NRG3: variants seen among roughly 807,000 people sequenced by gnomAD.
NRG3 encodes pro-neuregulin-3, membrane-bound isoform.
In NRG3, 31 loss-of-function variants were observed where a neutral mutation model predicts 66.9. That is an observed-to-expected ratio of 0.46 (90% CI 0.35 to 0.63). The LOEUF (loss-of-function observed/expected upper bound fraction) is 0.63. Among genes scored for constraint, NRG3 ranks in the 20% least tolerant of loss-of-function variants. The pLI, the probability that NRG3 is intolerant of heterozygous loss-of-function variation, is 0.00. For missense variants in NRG3, 910 were observed against 878.9 expected (o/e 1.04, Z -0.45); for synonymous variants, 393 against 359.4 (o/e 1.09, Z -1.06).
intron 3 of NRG3, among the ~76,000 whole-genome samples, chr10:82,830,859 A>G (rs2135670479): frequency 6.6e-6 from 1 of 152,292 alleles, no homozygotes; most frequent in South Asian, 2.1e-4. Flanking sequence ...GGAGTTGAAC[A>G]AGACCATCAA....
intron 3 of NRG3, among the ~76,000 whole-genome samples, chr10:82,838,342 C>T (rs2062881482): frequency 6.6e-6 from 1 of 151,992 alleles, no homozygotes; most frequent in Admixed American, 6.6e-5. Context: ...TTAAGGGAAC[C>T]TCTGCAGAGA....
chr10:82,958,299 G>A (rs1480439382), intron 5 of NRG3, among the ~76,000 whole-genome samples: 1 of 152,044 alleles, frequency 6.6e-6, no homozygotes, highest in Non-Finnish European at 1.5e-5. Flanking sequence ...CTACTTAATG[G>A]GTATAGCATT....
chr10:82,491,923 T>C (rs892836579), intron 2 of NRG3, among the ~76,000 whole-genome samples: 1 of 152,236 alleles, frequency 6.6e-6, no homozygotes, highest in African/African-American at 2.4e-5. Flanking sequence ...ATCTTTGGAA[T>C]AACAGGAAGA....
At chr10:82,328,949 T>C (rs938563611) in intron 1 of NRG3, among the ~76,000 whole-genome samples, 8 of 152,208 alleles carry the variant, frequency 5.3e-5, no homozygotes, top group African/African-American at 1.9e-4. Context: ...GTGCTTTTTT[T>C]ATTGCTGATC....
chr10:82,102,862 A>G (rs2132135426), intron 1 of NRG3, among the ~76,000 whole-genome samples: 1 of 152,108 alleles, frequency 6.6e-6, no homozygotes, highest in South Asian at 2.1e-4. Context: ...TTTTAATTTT[A>G]ACTTTCACAC....
chr10:82,453,329 T>C (rs1054868396), intron 2 of NRG3, among the ~76,000 whole-genome samples: 1 of 152,160 alleles, frequency 6.6e-6, no homozygotes, highest in Non-Finnish European at 1.5e-5. Context: ...ATAATTGTAC[T>C]TTTTCTTCAG....
At chr10:82,450,116 C>G (rs1184357875) in intron 2 of NRG3, among the ~76,000 whole-genome samples, 2 of 152,214 alleles carry the variant, frequency 1.3e-5, no homozygotes, top group African/African-American at 4.8e-5. Context: ...ACATTTCCCT[C>G]TCTGGTAAAT....
At chr10:82,853,914 G>A (rs192726077) in intron 3 of NRG3, among the ~76,000 whole-genome samples, 94 of 152,250 alleles carry the variant, frequency 6.2e-4, no homozygotes, top group African/African-American at 2.2e-3. Context: ...TCCCCATTCA[G>A]TATGAAGCTG....
chr10:82,013,670 T>A (rs886420868), intron 1 of NRG3, among the ~76,000 whole-genome samples: 1 of 152,100 alleles, frequency 6.6e-6, no homozygotes, highest in African/African-American at 2.4e-5. Flanking sequence ...AAAAAGGACT[T>A]TTTATTGATA....
chr10:82,423,357 G>A (rs897447872), intron 2 of NRG3, among the ~76,000 whole-genome samples: 1 of 151,878 alleles, frequency 6.6e-6, no homozygotes, highest in African/African-American at 2.4e-5. Flanking sequence ...AATGATTGAA[G>A]AAAGAGAACT....
At chr10:82,742,641 G>A (rs749284135) in intron 3 of NRG3, among the ~76,000 whole-genome samples, 5 of 152,092 alleles carry the variant, frequency 3.3e-5, no homozygotes, top group Non-Finnish European at 5.9e-5. Flanking sequence ...TCAAGAGGAA[G>A]TGACCTTCTG....
At chr10:82,823,840 G>A (rs551475045) in intron 3 of NRG3, among the ~76,000 whole-genome samples, 2 of 151,914 alleles carry the variant, frequency 1.3e-5, no homozygotes, top group African/African-American at 2.4e-5. Context: ...TTTAATTGAC[G>A]TATAATTCAC....
intron 1 of NRG3, among the ~76,000 whole-genome samples, chr10:82,114,046 T>C (rs1466854466): frequency 1.3e-5 from 2 of 152,198 alleles, no homozygotes; most frequent in Non-Finnish European, 2.9e-5. Context: ...TCAGTCTCCC[T>C]GCTCTGGACG....
At chr10:82,815,324 A>G (rs1355841202) in intron 3 of NRG3, among the ~76,000 whole-genome samples, 1 of 152,142 alleles carries the variant, frequency 6.6e-6, no homozygotes, top group Non-Finnish European at 1.5e-5. Context: ...CAAATGTGAG[A>G]CCTGGCCCCA....
At chr10:82,430,289 G>A (rs991331486) in intron 2 of NRG3, among the ~76,000 whole-genome samples, 23 of 151,182 alleles carry the variant, frequency 1.5e-4, no homozygotes, top group Admixed American at 1.3e-3. Flanking sequence ...ATGGAGTCTC[G>A]CTCTGTCACC....
chr10:82,832,142 A>G (rs998762278), intron 3 of NRG3, among the ~76,000 whole-genome samples: 1 of 152,182 alleles, frequency 6.6e-6, no homozygotes, highest in Admixed American at 6.5e-5. Context: ...AATTTAGATT[A>G]CTACCACTGG....
intron 3 of NRG3, among the ~76,000 whole-genome samples, chr10:82,801,328 A>G (rs2061028094): frequency 6.6e-6 from 1 of 152,218 alleles, no homozygotes; most frequent in Non-Finnish European, 1.5e-5. Context: ...TGAAGTAACT[A>G]TGAAAACTTA....
chr10:82,038,682 G>T (rs1326861465), intron 1 of NRG3, among the ~76,000 whole-genome samples: 1 of 152,106 alleles, frequency 6.6e-6, no homozygotes, highest in Non-Finnish European at 1.5e-5. Context: ...GAGCCTAGTG[G>T]TAGTTAATCC....
intron 3 of NRG3, among the ~76,000 whole-genome samples, chr10:82,835,839 G>A (rs1021305906): frequency 6.6e-6 from 1 of 152,138 alleles, no homozygotes; most frequent in African/African-American, 2.4e-5. Context: ...TACTGAAGAA[G>A]AAAGAATGCC....
Sources: gnomAD v4.1 joint callset for allele counts (sites outside exome capture counted in the v4.1 genomes callset) on GRCh38, gnomAD v4.1.1 for gene constraint, MANE v1.5 for transcripts, NCBI Gene and HGNC (gene_info 2026-07-23, HGNC 2026-07-21) for gene names.